The following TMEM116 variants were observed in gnomAD, a reference collection of about 807,000 sequenced individuals.
TMEM116 encodes the protein transmembrane protein 116.
TMEM116 carries 38 observed loss-of-function variants against 44.3 expected under a neutral mutation model. The observed-to-expected ratio is 0.86, with a 90% CI of 0.66 to 1.12. The LOEUF (loss-of-function observed/expected upper bound fraction) is 1.12, where lower values mean the gene tolerates loss of function less well. TMEM116 is among the 50% of genes most tolerant of loss of function. The pLI, the probability that TMEM116 is intolerant of heterozygous loss-of-function variation, is 0.00. For missense variants in TMEM116, 354 were observed against 401.7 expected, an observed-to-expected ratio of 0.88 and a Z score of 1.01; for synonymous variants, 132 against 144.8, an observed-to-expected ratio of 0.91 and a Z score of 0.64.
chr12:111,933,258 T>G lies in TMEM116; in HGVS notation c.734-599A>C, dbSNP rs1374323028. On this transcript the variant is annotated intron_variant, in intron 9 of 10. Transcript: ENST00000552374. ...TCTGTCTCAAAAAAAAAAAAAAAAATTATCTAACCTGATCCTCACTATAAC... is the reference window on the plus strand; with the variant it reads ...TCTGTCTCAAAAAAAAAAAAAAAAAGTATCTAACCTGATCCTCACTATAAC... Among the ~76,000 whole-genome samples the G allele has an allele frequency of 2.2e-5, 3 of 139,478 alleles. No individual in the cohort carries two copies. The South Asian group carries it at 6.9e-4, about 32-fold the overall frequency. 91.5% of individuals were successfully genotyped at this position (139,478 alleles called of 152,430 possible).
At chr12:111,940,860 G>C (rs572737394) in intron 5 of TMEM116, among the ~76,000 whole-genome samples, 2 of 151,996 alleles carry the variant, frequency 1.3e-5, no homozygotes, top group Non-Finnish European at 2.9e-5. Flanking sequence ...AGTCTCACAA[G>C]CTACAGTTAG....
chr12:111,933,691 T>C (rs1313327123), intron 9 of TMEM116, among the ~76,000 whole-genome samples, 195 bp downstream of exon 9: 1 of 148,766 alleles, frequency 6.7e-6, no homozygotes, highest in Non-Finnish European at 1.5e-5. Flanking sequence ...AGAGACGGGG[T>C]TTCACTGTGT....
chr12:111,956,355 G>C (rs2074085226), intron 4 of TMEM116, among the ~76,000 whole-genome samples: 1 of 152,158 alleles, frequency 6.6e-6, no homozygotes, highest in Non-Finnish European at 1.5e-5. Context: ...TGAAGATTTA[G>C]CATCCTAAAC....
intron 3 of TMEM116, among the ~76,000 whole-genome samples, chr12:111,999,845 C>T (rs2077154547): frequency 6.6e-6 from 1 of 152,142 alleles, no homozygotes; most frequent in Non-Finnish European, 1.5e-5. Flanking sequence ...TGTGCCACTT[C>T]ACCAAGAAAT....
At chr12:111,989,485 T>C (rs1176446972) in intron 4 of TMEM116, among the ~76,000 whole-genome samples, 1 of 152,226 alleles carries the variant, frequency 6.6e-6, no homozygotes, top group Non-Finnish European at 1.5e-5. Flanking sequence ...TAGAACTAAA[T>C]TGAGATTTGA....
intron 5 of TMEM116, 118 bp downstream of exon 5, chr12:111,943,147 T>C (rs1417396341): frequency 1.0e-5 from 8 of 791,192 alleles, no homozygotes; most frequent in Non-Finnish European, 1.7e-5. Flanking sequence ...TGGCCTCGAA[T>C]TCCTGGGCAT....
At chr12:111,931,940 A>G (rs1034514902) in intron 10 of TMEM116, 113 bp from the exon 11 acceptor site, 2 of 743,806 alleles carry the variant, frequency 2.7e-6, no homozygotes, top group East Asian at 2.9e-5. Flanking sequence ...TATCTCAAAC[A>G]TGAAGATCTG....
chr12:112,007,668 GT>G (rs2077655981), intron 1 of TMEM116, among the ~76,000 whole-genome samples: 1 of 152,172 alleles, frequency 6.6e-6, no homozygotes, highest in Non-Finnish European at 1.5e-5. Flanking sequence ...ACTACTGACA[GT>G]TTCACCAAGT....
At chr12:111,965,790 GC>G in intron 4 of TMEM116, 1 of 351,806 alleles carries the variant, frequency 2.8e-6, no homozygotes, top group Non-Finnish European at 5.6e-6. Context: ...ATTAGCCTTA[GC>G]CAGGCATGGT....
At chr12:111,956,369 G>C (rs1262684910) in intron 4 of TMEM116, among the ~76,000 whole-genome samples, 2 of 152,132 alleles carry the variant, frequency 1.3e-5, no homozygotes, top group Non-Finnish European at 2.9e-5. Context: ...CCTAAACCTG[G>C]AAAGCACATT....
intron 4 of TMEM116, among the ~76,000 whole-genome samples, chr12:111,969,008 A>G (rs1052554142): frequency 8.0e-5 from 12 of 150,410 alleles, no homozygotes; most frequent in African/African-American, 1.5e-4. Context: ...AAAAAAAAAA[A>G]AAAAAGAAAA....
At chr12:111,987,782 AAC>A (rs1284646440) in intron 4 of TMEM116, among the ~76,000 whole-genome samples, 1 of 152,204 alleles carries the variant, frequency 6.6e-6, no homozygotes, top group Admixed American at 6.5e-5. Context: ...CAAAAAATCA[AAC>A]ACAGAATTTC....
chr12:111,941,657 A>G (rs1167923050), intron 5 of TMEM116, among the ~76,000 whole-genome samples: 6 of 152,170 alleles, frequency 3.9e-5, no homozygotes, highest in African/African-American at 1.4e-4. Flanking sequence ...ATAGACAATG[A>G]TATCTTGTTC....
At chr12:111,956,246 G>C (rs1045486272) in intron 4 of TMEM116, among the ~76,000 whole-genome samples, 2 of 152,102 alleles carry the variant, frequency 1.3e-5, no homozygotes, top group African/African-American at 4.8e-5. Context: ...CACATAATAA[G>C]GTTATAATAT....
At chr12:111,957,585 GC>G (rs1488228168) in intron 4 of TMEM116, among the ~76,000 whole-genome samples, 1 of 147,252 alleles carries the variant, frequency 6.8e-6, no homozygotes. Context: ...GTGGGGGCCA[GC>G]CCCCGCCCGG....
chr12:111,992,742 CT>C (rs1371940383), intron 3 of TMEM116, among the ~76,000 whole-genome samples: 5 of 152,170 alleles, frequency 3.3e-5, no homozygotes, highest in African/African-American at 4.8e-5. Flanking sequence ...TGAAATTTGT[CT>C]CTTCTTATTC....
intron 5 of TMEM116, among the ~76,000 whole-genome samples, chr12:111,939,880 C>CTGAGTGTG (rs2072541474): frequency 7.7e-6 from 1 of 130,378 alleles, no homozygotes; most frequent in Non-Finnish European, 1.6e-5. Flanking sequence ...CTTCAAAGCT[C>CTGAGTGTG]TGTGTGTGTG....
At chr12:111,944,625 G>A (rs1449799470) in intron 4 of TMEM116, among the ~76,000 whole-genome samples, 1 of 152,150 alleles carries the variant, frequency 6.6e-6, no homozygotes. Context: ...TCAGAGCAGA[G>A]GAAGCTATAT....
chr12:112,000,704 T>C lies in TMEM116; in HGVS notation c.78+3096A>G, dbSNP rs1420357879. On this transcript the variant is annotated intron_variant, in intron 3 of 10. Coordinates refer to ENST00000552374, the MANE Select transcript of TMEM116 (RefSeq NM_001193531.2). ...ACCTAAATAATAACTTCTGCTAGCA[T>C]CTCTTCTGAGTCTCCATTTCCTCTC... 1.9e-5 allele frequency: 10 copies of C among 527,060 alleles called. No homozygotes were observed. The East Asian group carries it at 5.5e-4, about 29-fold the overall frequency. The allele number at this position is 527,060 out of a possible 1,614,324, so 32.6% of individuals were successfully genotyped here.
Sources: allele counts gnomAD v4.1 joint callset (sites outside exome capture counted in the v4.1 genomes callset), GRCh38; gene constraint gnomAD v4.1.1; transcripts MANE v1.5; gene names NCBI Gene and HGNC (gene_info 2026-07-23, HGNC 2026-07-21).